CHIA: variants seen among roughly 807,000 people sequenced by gnomAD.
CHIA encodes acidic mammalian chitinase.
Under a neutral mutation model 53.5 loss-of-function variants are expected in CHIA, and 47 were observed. The observed-to-expected ratio is 0.88, with a 90% CI of 0.70 to 1.12. The LOEUF (loss-of-function observed/expected upper bound fraction) is 1.12, where lower values mean the gene tolerates loss of function less well. Ranked by LOEUF, CHIA falls within the 50% of genes most tolerant of loss-of-function variation. The pLI is 0.00. For missense variants in CHIA, 652 were observed against 592.2 expected, an observed-to-expected ratio of 1.10 and a Z score of -1.05; for synonymous variants, 268 against 222.2, an observed-to-expected ratio of 1.21 and a Z score of -1.83.
intron 1 of CHIA, among the ~76,000 whole-genome samples, chr1:111,293,729 T>A (rs1049704446): frequency 2.6e-5 from 4 of 152,166 alleles, no homozygotes; most frequent in Non-Finnish European, 4.4e-5. Flanking sequence ...CATCTTACAT[T>A]TAGGCCATTG....
chr1:111,315,161 G>A, intron 5 of CHIA, 109 bp from the exon 6 acceptor site: 1 of 755,036 alleles, frequency 1.3e-6, no homozygotes, highest in Non-Finnish European at 2.3e-6. Context: ...CTTTACTCTG[G>A]GCTGTGGGTC....
chr1:111,301,244 G>T (rs2101616021), intron 1 of CHIA, among the ~76,000 whole-genome samples: 1 of 152,256 alleles, frequency 6.6e-6, no homozygotes, highest in Non-Finnish European at 1.5e-5. Flanking sequence ...ATACCCAAAG[G>T]ATTATAAATC....
chr1:111,315,941 ACTT>A, intron 6 of CHIA: 2 of 417,624 alleles, frequency 4.8e-6, no homozygotes, highest in African/African-American at 2.1e-5. Flanking sequence ...GCTTTGAAGA[ACTT>A]CTTCTGAGGT....
chr1:111,306,402 C>T (rs898176875), intron 1 of CHIA, among the ~76,000 whole-genome samples: 4 of 151,868 alleles, frequency 2.6e-5, no homozygotes, highest in African/African-American at 9.7e-5. Context: ...TAGTTACCCA[C>T]ATGGAAAAAA....
intron 1 of CHIA, among the ~76,000 whole-genome samples, chr1:111,307,440 T>C (rs1427488767): frequency 6.6e-6 from 1 of 152,134 alleles, no homozygotes; most frequent in African/African-American, 2.4e-5. Context: ...TAAGTGAATA[T>C]AAAACTAATG....
chr1:111,298,374 C>A lies in CHIA; in HGVS notation c.-69+7424C>A, dbSNP rs550246036. Among the ~76,000 whole-genome samples, 11 of 152,280 alleles carry A rather than the reference C, an allele frequency of 7.2e-5. No homozygotes were observed. The East Asian group carries it at 1.9e-3, about 27-fold the overall frequency. On this transcript the variant is annotated intron_variant, in intron 1 of 11. Coordinates refer to ENST00000369740, the MANE Select transcript of CHIA (RefSeq NM_201653.4). Reference sequence around the variant, plus strand: ...GCACTCCTCAGCAAATGTAAAAGAACAGAAATCACAACAAACTGTCTCTAA... The same window carrying A: ...GCACTCCTCAGCAAATGTAAAAGAAAAGAAATCACAACAAACTGTCTCTAA...
chr1:111,311,468 G>A (rs1185458599), intron 2 of CHIA, among the ~76,000 whole-genome samples: 1 of 152,158 alleles, frequency 6.6e-6, no homozygotes, highest in Non-Finnish European at 1.5e-5. Flanking sequence ...ATTTATTTGT[G>A]ACAAGAAAGG....
At chr1:111,296,320 A>T (rs12023362) in intron 1 of CHIA, among the ~76,000 whole-genome samples, 6,745 of 152,234 alleles carry the variant, frequency 0.044, 172 homozygotes, top group African/African-American at 0.059. Context: ...GGGCTGACTG[A>T]CACCTCATAC....
chr1:111,316,940 T>C (rs1649209124), intron 6 of CHIA: 1 of 152,236 alleles, frequency 6.6e-6, no homozygotes, highest in Non-Finnish European at 1.5e-5. Context: ...CTGGTCATTG[T>C]TTCTAGTTCT....
intron 1 of CHIA, among the ~76,000 whole-genome samples, chr1:111,298,267 C>G (rs184923686): frequency 6.6e-6 from 1 of 152,194 alleles, no homozygotes; most frequent in African/African-American, 2.4e-5. Context: ...GCAGAACTCT[C>G]CACCCCAAAT....
chr1:111,315,064 G>A (rs926063149), intron 5 of CHIA: 2 of 524,000 alleles, frequency 3.8e-6, no homozygotes, highest in Admixed American at 3.4e-5. Context: ...AGAGTTGGGG[G>A]GATAACAGAA....
intron 1 of CHIA, among the ~76,000 whole-genome samples, chr1:111,291,787 A>T (rs954583231): frequency 6.7e-6 from 1 of 150,162 alleles, no homozygotes; most frequent in African/African-American, 2.5e-5. Context: ...AATAATGAGA[A>T]TACATAGACA....
chr1:111,298,464 G>A (rs149293587), intron 1 of CHIA, among the ~76,000 whole-genome samples: 10 of 152,256 alleles, frequency 6.6e-5, no homozygotes, highest in African/African-American at 2.2e-4. Flanking sequence ...ACCACTACAT[G>A]GAAAGTGAAC....
chr1:111,314,576 C>T lies in CHIA; in HGVS notation c.294C>T (p.Gly98=). 6.2e-7 allele frequency: 1 copy of T among 1,613,470 alleles called. No individual in the cohort carries two copies. Among genetic ancestry groups the T allele is most frequent in the Non-Finnish European group, 8.5e-7 (1 of 1,179,412 alleles). ...TGAAAACTCTCCTGGCCATTGGAGG[C>T]TGGAACTTCGGGACTGCCCCGTAAG... ...SQLKTLLAIG[G]WNFGTAPFTA... The change falls in exon 5 of 12, where the codon GGC becomes GGT. Residue 98 remains glycine, a synonymous_variant. Coordinates refer to ENST00000369740, the MANE Select transcript of CHIA (RefSeq NM_201653.4).
intron 1 of CHIA, among the ~76,000 whole-genome samples, chr1:111,296,589 A>T (rs779128854): frequency 2.6e-5 from 4 of 152,236 alleles, no homozygotes; most frequent in Non-Finnish European, 4.4e-5. Context: ...CAAAGACCAA[A>T]GGTAGATAAA....
At chr1:111,309,839 A>G (rs918347183) in intron 1 of CHIA, among the ~76,000 whole-genome samples, 1 of 152,220 alleles carries the variant, frequency 6.6e-6, no homozygotes, top group African/African-American at 2.4e-5. Flanking sequence ...ACTACAGAAC[A>G]CTAGAGAGTT....
chr1:111,307,453 T>C (rs1429609126), intron 1 of CHIA, among the ~76,000 whole-genome samples: 1 of 152,170 alleles, frequency 6.6e-6, no homozygotes, highest in Non-Finnish European at 1.5e-5. Flanking sequence ...AACTAATGAA[T>C]GTATCATTTG....
intron 1 of CHIA, among the ~76,000 whole-genome samples, chr1:111,300,199 A>G (rs1448756055): frequency 1.3e-5 from 2 of 152,168 alleles, no homozygotes; most frequent in South Asian, 4.1e-4. Context: ...TCCAGCTACC[A>G]ATGACTTTCT....
At chr1:111,314,698 T>G in intron 5 of CHIA, 102 bp downstream of exon 5, 4 of 777,734 alleles carry the variant, frequency 5.1e-6, no homozygotes, top group Non-Finnish European at 8.9e-6. Flanking sequence ...GACAGGGTAT[T>G]GAGGATGTAC....
Sources: gnomAD v4.1 joint callset for allele counts (sites outside exome capture counted in the v4.1 genomes callset) on GRCh38, gnomAD v4.1.1 for gene constraint, MANE v1.5 for transcripts, NCBI Gene and HGNC (gene_info 2026-07-23, HGNC 2026-07-21) for gene names.